POLR2G: variants seen among roughly 807,000 people sequenced by gnomAD.
POLR2G encodes the protein RNA polymerase II subunit G, also known as DNA-directed RNA polymerase II subunit RPB7.
In POLR2G, 19 loss-of-function variants were observed where a neutral mutation model predicts 25.7. That is an observed-to-expected ratio of 0.74 (90% confidence interval 0.52 to 1.08). The LOEUF (loss-of-function observed/expected upper bound fraction) is 1.08. Among genes scored for constraint, POLR2G ranks in the 50% least tolerant of loss-of-function variants. The probability of loss-of-function intolerance (pLI) is 0.00; values close to 1 mark genes in which losing one functional copy is unlikely to be tolerated. For synonymous variants in POLR2G, 79 were observed against 76.0 expected (o/e 1.04, Z -0.21); for missense variants, 123 against 218.5 (o/e 0.56, Z 2.76).
chr11:62,765,346 C>G lies in POLR2G; in HGVS notation c.340C>G (p.Pro114Ala). The G allele has an allele frequency of 6.2e-7, 1 of 1,610,830 alleles. No individual in the cohort carries two copies. The highest frequency in any genetic ancestry group is 8.5e-7 in the Non-Finnish European group (1 of 1,177,098). Residue 114 changes from proline (P) to alanine (A), a missense_variant, in exon 5 of 8, where the codon CCT becomes GCT. By Grantham distance (27) the Pro-to-Ala change is conservative. Coordinates refer to ENST00000301788, the MANE Select transcript of POLR2G (RefSeq NM_002696.3). Reference sequence around the variant, plus strand: ...GATCTCACTTTCCTTTCAGTCCATCCCTTCAGAGATGGAGTTTGATCCTAA... The same window carrying G: ...GATCTCACTTTCCTTTCAGTCCATCGCTTCAGAGATGGAGTTTGATCCTAA... ...MSCFISRHSI[P>A]SEMEFDPNSN... is the part of the protein sequence containing the mutation.
intron 2 of POLR2G, 58 bp from the exon 3 acceptor site, chr11:62,762,809 G>A: frequency 7.0e-7 from 1 of 1,424,458 alleles, no homozygotes; most frequent in Non-Finnish European, 9.6e-7. Flanking sequence ...TTTTATTGCA[G>A]ATGTCTTTAG....
At position 62,766,579 on chromosome 11, in the gene POLR2G, T is replaced by A; in HGVS notation, c.*72T>A. 4.1e-6 allele frequency: 6 copies of A among 1,455,346 alleles called. No homozygotes were observed. The highest frequency in any genetic ancestry group is 4.8e-6 in the Non-Finnish European group (5 of 1,037,462). The allele number at this position is 1,455,346 out of a possible 1,614,324, so 90.2% of individuals were successfully genotyped here. A position where few individuals can be genotyped will look rare whatever the true frequency, so the allele number is the denominator to read the frequency against. On this transcript the variant is annotated 3_prime_UTR_variant, in exon 8 of 8. Transcript: ENST00000301788. The stretch of plus-strand genomic sequence containing the variant: ...TCACACTTATCATGTTGTCCAGAGG[T>A]CCAGTCTGGCTGCTGTTGTGGAGGC...
In POLR2G at chr11:62,764,002, A is replaced by T. The variant is rs574205699; in HGVS notation, c.282+976A>T. On this transcript the variant is annotated intron_variant, in intron 3 of 7. Transcript: ENST00000301788. ...GGTGATCTGCCTGGCTCAGCCACCCAAAGTGCTGGGATTATAGGCGTGAGC... is the reference window on the plus strand; with the variant it reads ...GGTGATCTGCCTGGCTCAGCCACCCTAAGTGCTGGGATTATAGGCGTGAGC... Among the ~76,000 whole-genome samples, 6 of 151,642 alleles carry T rather than the reference A, an allele frequency of 4.0e-5. No individual in the cohort carries two copies. The South Asian group carries it at 6.2e-4, about 16-fold the overall frequency.
At chr11:62,761,991 C>T (rs1292938548) in intron 2 of POLR2G, 87 bp downstream of exon 2, 3 of 980,168 alleles carry the variant, frequency 3.1e-6, no homozygotes, top group Non-Finnish European at 4.7e-6. Flanking sequence ...TCCTACTCGT[C>T]CTGCCACCCA....
rs1039019588 is a variant in POLR2G, at chr11:62,765,657, T to C, written c.404T>C (p.Ile135Thr). 1.2e-6 allele frequency: 2 copies of C among 1,606,510 alleles called. No individual in the cohort carries two copies. The highest frequency in any genetic ancestry group is 1.7e-6 in the Non-Finnish European group (2 of 1,173,040). The change falls in exon 6 of 8, where the codon ATT becomes ACT. Residue 135 changes from isoleucine to threonine, a missense_variant. Ile to Thr is a moderately conservative substitution (Grantham distance 89). Coordinates refer to ENST00000301788, the MANE Select transcript of POLR2G (RefSeq NM_002696.3). ...PPCYKTMDED[I>T]VIQQDDEIRL... ...ACTGTTCCCTCCTCTCCTCAGGATATTGTGATTCAGCAGGACGATGAGATC... is the reference window on the plus strand; with the variant it reads ...ACTGTTCCCTCCTCTCCTCAGGATACTGTGATTCAGCAGGACGATGAGATC...
At chr11:62,763,783 G>A (rs1251553235) in intron 3 of POLR2G, among the ~76,000 whole-genome samples, 1 of 143,004 alleles carries the variant, frequency 7.0e-6, no homozygotes, top group Non-Finnish European at 1.5e-5. Flanking sequence ...TAGCTCTGTT[G>A]CCAGGCTGGA....
At chr11:62,764,966 C>A (rs189958941) in intron 3 of POLR2G, among the ~76,000 whole-genome samples, 47 of 152,002 alleles carry the variant, frequency 3.1e-4, no homozygotes, top group Non-Finnish European at 4.1e-4. Flanking sequence ...TCAAACGATT[C>A]TCCTGCCTCA....
At chr11:62,763,889 G>C (rs1412415867) in intron 3 of POLR2G, among the ~76,000 whole-genome samples, 2 of 151,880 alleles carry the variant, frequency 1.3e-5, no homozygotes, top group Admixed American at 6.6e-5. Flanking sequence ...CTATAGGCAT[G>C]CGCCACCATG....
rs770581384 is a variant in POLR2G, at chr11:62,766,506, G to T, written c.518G>T (p.Ter173LeuextTer47). Residue 173 changes from the stop codon to leucine (L), a stop_lost, in exon 8 of 8, where the codon TGA becomes TTA. Transcript: ENST00000301788. ...TCTGGTTTCGCAGGGCTTGTAAGCT[G>T]AGCCTGGTGGCCTCCTACCCTTGGT... The part of the protein sequence containing the change: ...LMDDYLGLVS[*>L] 7 of 1,613,652 alleles carry T rather than the reference G, an allele frequency of 4.3e-6. No homozygotes were observed. In the African/African-American group the frequency reaches 9.4e-5, roughly 22 times the overall value.
chr11:62,766,522 T>TA lies in POLR2G; in HGVS notation c.*16dup, dbSNP rs2084116635. 1.2e-6 allele frequency: 2 copies of TA among 1,611,940 alleles called. No homozygotes were observed. Among genetic ancestry groups the TA allele is most frequent in the Non-Finnish European group, 1.7e-6 (2 of 1,178,232 alleles). ...TTGTAAGCTGAGCCTGGTGGCCTCC[T>TA]ACCCTTGGTCCTACTCTAGGAAGTG... On this transcript the variant is annotated 3_prime_UTR_variant, in exon 8 of 8. Coordinates refer to ENST00000301788, the MANE Select transcript of POLR2G (RefSeq NM_002696.3).
chr11:62,762,968 T>C lies in POLR2G; in HGVS notation c.224T>C (p.Ile75Thr). 6.2e-7 allele frequency: 1 copy of C among 1,611,498 alleles called. No individual in the cohort carries two copies. Among genetic ancestry groups the C allele is most frequent in the Non-Finnish European group, 8.5e-7 (1 of 1,177,852 alleles). The change falls in exon 3 of 8, where the codon ATT becomes ACT. Residue 75 changes from isoleucine (I) to threonine (T), a missense_variant. Coordinates refer to ENST00000301788, the MANE Select transcript of POLR2G (RefSeq NM_002696.3). ...FVLYPVKYKAIVFRPFKGEVV... is the reference protein window; with the variant it reads ...FVLYPVKYKATVFRPFKGEVV... ...CTTTATCCAGTTAAGTACAAGGCCA[T>C]TGTTTTCCGGCCATTTAAAGGGGAG...
chr11:62,765,435 A>G (rs771526365), intron 5 of POLR2G, 30 bp downstream of exon 5: 2 of 1,576,374 alleles, frequency 1.3e-6, no homozygotes, highest in African/African-American at 1.3e-5. Context: ...TCAGGGAGAC[A>G]AGGAGAGAAT....
chr11:62,766,649 C>A lies in POLR2G; in HGVS notation c.*142C>A. On this transcript the variant is annotated 3_prime_UTR_variant, in exon 8 of 8. Coordinates refer to ENST00000301788, the MANE Select transcript of POLR2G (RefSeq NM_002696.3). ...AGAAGGCATCTGGTGCTTCTTGTAGCTTAACTACTGCCTCCTCATTTTTCA... is the reference window on the plus strand; with the variant it reads ...AGAAGGCATCTGGTGCTTCTTGTAGATTAACTACTGCCTCCTCATTTTTCA... 1 of 688,000 alleles carries A rather than the reference C, an allele frequency of 1.5e-6. No homozygotes were observed. The allele number at this position is 688,000 out of a possible 1,614,324, so 42.6% of individuals were successfully genotyped here.
Position 62,766,610 on chromosome 11 carries a change from A to G in POLR2G, c.*103A>G, listed in dbSNP as rs1349586849. 1 of 1,079,966 alleles carries G rather than the reference A, an allele frequency of 9.3e-7. No homozygotes were observed. Among genetic ancestry groups the G allele is most frequent in the Admixed American group, 1.9e-5 (1 of 52,924 alleles). The allele number at this position is 1,079,966 out of a possible 1,614,324, so 66.9% of individuals were successfully genotyped here. ...CTGGCTGCTGTTGTGGAGGCAAGGA[A>G]GGCAACTCATCCCAGAAGGCATCTG... On this transcript the variant is annotated 3_prime_UTR_variant, in exon 8 of 8. Coordinates refer to ENST00000301788, the MANE Select transcript of POLR2G (RefSeq NM_002696.3).
chr11:62,765,682 C>G lies in POLR2G; in HGVS notation c.429C>G (p.Ile143Met), dbSNP rs757793888. The change falls in exon 6 of 8, where the codon ATC (isoleucine) becomes ATG (methionine). Residue 143 changes from isoleucine to methionine, a missense_variant. By Grantham distance (10) the Ile-to-Met change is conservative (BLOSUM62 1). Transcript: ENST00000301788. The stretch of plus-strand genomic sequence containing the variant: ...TTGTGATTCAGCAGGACGATGAGAT[C>G]CGCTTAAAGATTGTGGGGACCCGTG... ...EDIVIQQDDEIRLKIVGTRVD... is the reference protein window; with the variant it reads ...EDIVIQQDDEMRLKIVGTRVD... The G allele has an allele frequency of 3.7e-6, 6 of 1,611,654 alleles. No individual in the cohort carries two copies. In the Admixed American group the frequency reaches 1.0e-4, roughly 27 times the overall value.
chr11:62,761,755 C>A, intron 1 of POLR2G, 40 bp from the exon 2 acceptor site: 2 of 1,607,064 alleles, frequency 1.2e-6, no homozygotes, highest in Non-Finnish European at 8.5e-7. Flanking sequence ...CAATAACCTG[C>A]CAGCGCCTGG....
intron 3 of POLR2G, among the ~76,000 whole-genome samples, chr11:62,763,275 G>T (rs2084098046): frequency 6.6e-6 from 1 of 151,464 alleles, no homozygotes; most frequent in Admixed American, 6.6e-5. Flanking sequence ...GGGACTAAAG[G>T]CACGTGCCAC....
intron 6 of POLR2G, among the ~76,000 whole-genome samples, 197 bp from the exon 7 acceptor site, chr11:62,766,046 C>G (rs899524280): frequency 2.6e-5 from 4 of 152,090 alleles, no homozygotes; most frequent in Non-Finnish European, 5.9e-5. Context: ...CTCGGCCTCC[C>G]AAAGTGCTGG....
intron 2 of POLR2G, 77 bp downstream of exon 2, chr11:62,761,981 T>G (rs1311731584): frequency 2.9e-6 from 3 of 1,028,488 alleles, no homozygotes; most frequent in Middle Eastern, 2.4e-4. Context: ...CCTCCCCAAC[T>G]CCTACTCGTC....
Sources: gnomAD v4.1 joint callset for allele counts (sites outside exome capture counted in the v4.1 genomes callset) on GRCh38, gnomAD v4.1.1 for gene constraint, MANE v1.5 for transcripts, NCBI Gene and HGNC (gene_info 2026-07-23, HGNC 2026-07-21) for gene names.